EPHA3: variants seen among roughly 807,000 people sequenced by gnomAD.
EPHA3 encodes ephrin type-A receptor 3.
EPHA3 carries 42 observed loss-of-function variants against 107.1 expected under a neutral mutation model. That is an observed-to-expected ratio of 0.39 (90% confidence interval 0.31 to 0.51). The LOEUF (loss-of-function observed/expected upper bound fraction) is 0.51. Among genes scored for constraint, EPHA3 ranks in the 20% least tolerant of loss-of-function variants. EPHA3 has a pLI of 0.78. For synonymous variants in EPHA3, 461 were observed against 424.8 expected, an observed-to-expected ratio of 1.09 and a Z score of -1.05; for missense variants, 1,183 against 1,211.2, an observed-to-expected ratio of 0.98 and a Z score of 0.35.
intron 3 of EPHA3, among the ~76,000 whole-genome samples, chr3:89,334,681 C>G (rs1707357254): frequency 6.6e-6 from 1 of 152,144 alleles, no homozygotes; most frequent in Non-Finnish European, 1.5e-5. Context: ...GAAATAACTC[C>G]TGTCTCTGTA....
intron 3 of EPHA3, among the ~76,000 whole-genome samples, chr3:89,268,561 A>G (rs1366855989): frequency 6.6e-6 from 1 of 151,894 alleles, no homozygotes; most frequent in African/African-American, 2.4e-5. Flanking sequence ...AGCCACCAAC[A>G]ATTTTATCAT....
Position 89,145,824 on chromosome 3 carries a change from T to C in EPHA3, c.153+18551T>C, listed in dbSNP as rs544100371. Among the ~76,000 whole-genome samples, 7 of 151,894 alleles carry C rather than the reference T, an allele frequency of 4.6e-5. No homozygotes were observed. In the Admixed American group the frequency reaches 4.6e-4, roughly 10 times the overall value. ...ACTCTCCATTTCACTGTTGCTTTAT[T>C]TCCTTCAGTCAAACAATATCATCAA... On this transcript the variant is annotated intron_variant, in intron 2 of 16. Transcript: ENST00000336596.
intron 1 of EPHA3, among the ~76,000 whole-genome samples, chr3:89,122,510 T>C (rs1420525991): frequency 6.6e-6 from 1 of 152,228 alleles, no homozygotes; most frequent in Non-Finnish European, 1.5e-5. Context: ...CCTATGGGTG[T>C]ATTATTAGGT....
intron 14 of EPHA3, among the ~76,000 whole-genome samples, chr3:89,449,751 CA>C (rs927924249): frequency 2.0e-5 from 3 of 151,604 alleles, no homozygotes; most frequent in African/African-American, 7.3e-5. Context: ...TAGGATTTTA[CA>C]AAAAAAATTA....
At chr3:89,374,640 T>C (rs1445422578) in intron 5 of EPHA3, among the ~76,000 whole-genome samples, 1 of 151,696 alleles carries the variant, frequency 6.6e-6, no homozygotes, top group Non-Finnish European at 1.5e-5. Flanking sequence ...TTCTCTGTAT[T>C]TCACTTTTTA....
chr3:89,438,452 G>A (rs1219687095), intron 13 of EPHA3, among the ~76,000 whole-genome samples: 2 of 151,968 alleles, frequency 1.3e-5, no homozygotes, highest in Admixed American at 1.3e-4. Context: ...AAAGAAAAGT[G>A]GCTAAGCAAG....
chr3:89,458,371 G>C (rs1443199066), intron 15 of EPHA3, among the ~76,000 whole-genome samples: 5 of 152,094 alleles, frequency 3.3e-5, no homozygotes, highest in African/African-American at 1.2e-4. Flanking sequence ...CAGGGTGATA[G>C]GATGAGGTTT....
At position 89,186,799 on chromosome 3, in the gene EPHA3, T is replaced by A. The variant is rs890871728; in HGVS notation, c.154-23061T>A. 8.5e-5 allele frequency among the ~76,000 whole-genome samples: 13 copies of A among 152,158 alleles called. 1 individual carries two copies. The East Asian group carries it at 1.7e-3, about 20-fold the overall frequency. ...GTGAATTGGGAATTCTATAGGAAAT[T>A]CCATTATGTAGAAATATAGCATTTC... On this transcript the variant is annotated intron_variant, in intron 2 of 16. Coordinates refer to ENST00000336596, the MANE Select transcript of EPHA3 (RefSeq NM_005233.6).
At chr3:89,374,594 C>G (rs1171630383) in intron 5 of EPHA3, among the ~76,000 whole-genome samples, 1 of 151,702 alleles carries the variant, frequency 6.6e-6, no homozygotes, top group African/African-American at 2.4e-5. Flanking sequence ...CATCAAAGAA[C>G]AAGAACTTGA....
intron 3 of EPHA3, among the ~76,000 whole-genome samples, chr3:89,222,192 A>G (rs1290119295): frequency 6.6e-6 from 1 of 151,944 alleles, no homozygotes; most frequent in African/African-American, 2.4e-5. Context: ...TATGTGCCCA[A>G]TGTGTATGCT....
At chr3:89,348,494 A>T (rs1400806678) in intron 5 of EPHA3, among the ~76,000 whole-genome samples, 2 of 121,892 alleles carry the variant, frequency 1.6e-5, no homozygotes, top group Admixed American at 8.2e-5. Flanking sequence ...TGTCTATTTG[A>T]TTCTTCTCTC....
intron 2 of EPHA3, among the ~76,000 whole-genome samples, chr3:89,192,323 T>C (rs1421116580): frequency 6.6e-6 from 1 of 152,124 alleles, no homozygotes; most frequent in Non-Finnish European, 1.5e-5. Flanking sequence ...CTGCTGATAT[T>C]GAAAATGATG....
chr3:89,468,830 A>C (rs1710341622), intron 15 of EPHA3, among the ~76,000 whole-genome samples: 1 of 152,180 alleles, frequency 6.6e-6, no homozygotes, highest in Non-Finnish European at 1.5e-5. Context: ...ACCCATGAAT[A>C]TTGTGTACAT....
intron 1 of EPHA3, among the ~76,000 whole-genome samples, chr3:89,112,112 C>T (rs1219441691): frequency 6.6e-6 from 1 of 152,018 alleles, no homozygotes; most frequent in African/African-American, 2.4e-5. Flanking sequence ...ACACCATTGC[C>T]ACGTGTTAGA....
chr3:89,432,549 C>A (rs890488022), intron 13 of EPHA3, among the ~76,000 whole-genome samples: 3 of 152,008 alleles, frequency 2.0e-5, no homozygotes, highest in African/African-American at 4.8e-5. Context: ...GGATTACAGG[C>A]ATGGACCACC....
chr3:89,215,771 G>T (rs12494816), intron 3 of EPHA3, among the ~76,000 whole-genome samples: 142,799 of 151,842 alleles, frequency 0.94, 67,205 homozygotes, highest in Admixed American at 0.96. Context: ...TTTACCTTAT[G>T]TGGGTTAACT....
At chr3:89,240,109 G>A (rs1385853411) in intron 3 of EPHA3, among the ~76,000 whole-genome samples, 1 of 152,162 alleles carries the variant, frequency 6.6e-6, no homozygotes, top group Non-Finnish European at 1.5e-5. Context: ...TTCTTCCCAA[G>A]ACTCTAGTTC....
intron 2 of EPHA3, among the ~76,000 whole-genome samples, chr3:89,139,390 A>G (rs1704379700): frequency 6.6e-6 from 1 of 151,864 alleles, no homozygotes; most frequent in Admixed American, 6.6e-5. Flanking sequence ...TTCCCTGAAT[A>G]AATATGTAAT....
At chr3:89,296,839 T>C (rs1402268810) in intron 3 of EPHA3, among the ~76,000 whole-genome samples, 1 of 152,220 alleles carries the variant, frequency 6.6e-6, no homozygotes, top group African/African-American at 2.4e-5. Flanking sequence ...TCTTTATCAA[T>C]TATCTTAGCT....
Sources: allele counts gnomAD v4.1 joint callset (sites outside exome capture counted in the v4.1 genomes callset), GRCh38; gene constraint gnomAD v4.1.1; transcripts MANE v1.5; gene names NCBI Gene and HGNC (gene_info 2026-07-23, HGNC 2026-07-21).